Variants in DLG2 observed in about 807,000 individuals in gnomAD.
DLG2 encodes the protein disks large homolog 2.
In DLG2, 45 loss-of-function variants were observed where a neutral mutation model predicts 132.5. The observed-to-expected ratio is 0.34, with a 90% CI of 0.27 to 0.44. The LOEUF is 0.44. Ranked by LOEUF, DLG2 falls within the 20% of genes least tolerant of loss-of-function variation. DLG2 has a pLI of 1.00. For synonymous variants in DLG2, 424 were observed against 419.6 expected (o/e 1.01, Z -0.13); for missense variants, 1,045 against 1,196.9 (o/e 0.87, Z 1.87).
intron 3 of DLG2, among the ~76,000 whole-genome samples, chr11:85,399,310 G>A (rs1341590740): frequency 6.6e-6 from 1 of 152,172 alleles, no homozygotes; most frequent in Non-Finnish European, 1.5e-5. Flanking sequence ...AACATTCCAT[G>A]CTCATGGGTA....
chr11:83,538,574 C>T (rs2095961496), intron 20 of DLG2, among the ~76,000 whole-genome samples: 1 of 152,188 alleles, frequency 6.6e-6, no homozygotes, highest in Non-Finnish European at 1.5e-5. Context: ...GGTGTTTGGT[C>T]AGTGGCTGGC....
chr11:85,068,247 G>A (rs2065237882), intron 6 of DLG2, among the ~76,000 whole-genome samples: 2 of 152,030 alleles, frequency 1.3e-5, no homozygotes, highest in South Asian at 4.1e-4. Flanking sequence ...GCACAAGACA[G>A]GGATGCCCTC....
At chr11:83,790,951 G>A in intron 17 of DLG2, 1 of 958,604 alleles carries the variant, frequency 1.0e-6, no homozygotes, top group Non-Finnish European at 1.6e-6. Context: ...ATAACGACAG[G>A]CACATGTTCA....
chr11:85,458,758 C>G (rs78199824), intron 3 of DLG2, among the ~76,000 whole-genome samples: 4,784 of 152,264 alleles, frequency 0.031, 87 homozygotes, highest in Middle Eastern at 0.061. Context: ...CTGTAGGCAG[C>G]CACTTAATCA....
chr11:85,579,201 T>C (rs115262610), intron 3 of DLG2, among the ~76,000 whole-genome samples: 2,142 of 151,926 alleles, frequency 0.014, 47 homozygotes, highest in African/African-American at 0.048. Context: ...CATGGATACA[T>C]AGAGGGAATA....
intron 3 of DLG2, among the ~76,000 whole-genome samples, chr11:85,508,979 C>T (rs990027547): frequency 5.3e-5 from 8 of 152,016 alleles, no homozygotes; most frequent in Non-Finnish European, 1.0e-4. Flanking sequence ...TTATTTCAGT[C>T]TTTAATTTAT....
At chr11:83,742,523 C>T (rs1207212397) in intron 18 of DLG2, among the ~76,000 whole-genome samples, 3 of 152,062 alleles carry the variant, frequency 2.0e-5, no homozygotes, top group Non-Finnish European at 4.4e-5. Flanking sequence ...GACTTTGCAC[C>T]CACCTCTGCA....
intron 6 of DLG2, among the ~76,000 whole-genome samples, chr11:84,614,193 G>A (rs988235190): frequency 5.9e-5 from 9 of 152,198 alleles, no homozygotes; most frequent in Non-Finnish European, 1.3e-4. Context: ...AGTCCAGTAA[G>A]TAGAAGCAAA....
chr11:84,514,208 T>TTC (rs2099265549), intron 7 of DLG2, among the ~76,000 whole-genome samples: 1 of 152,038 alleles, frequency 6.6e-6, no homozygotes, highest in Non-Finnish European at 1.5e-5. Flanking sequence ...CTGGTGGGGA[T>TTC]GTGGAGAAAA....
At chr11:83,490,989 T>C (rs1484895866) in intron 21 of DLG2, among the ~76,000 whole-genome samples, 1 of 151,956 alleles carries the variant, frequency 6.6e-6, no homozygotes, top group African/African-American at 2.4e-5. Context: ...ATATTCATAA[T>C]TCTACTTTTT....
intron 18 of DLG2, among the ~76,000 whole-genome samples, chr11:83,786,034 A>G (rs769404732): frequency 1.3e-5 from 2 of 152,220 alleles, no homozygotes; most frequent in Non-Finnish European, 2.9e-5. Flanking sequence ...CAACCATACA[A>G]TAAGTAACAT....
chr11:84,924,895 C>T (rs564937860), intron 6 of DLG2, among the ~76,000 whole-genome samples: 2 of 152,288 alleles, frequency 1.3e-5, no homozygotes, highest in South Asian at 4.1e-4. Context: ...CATTCCACAA[C>T]TTTTTCTACG....
intron 7 of DLG2, among the ~76,000 whole-genome samples, chr11:84,287,854 T>C (rs1373235351): frequency 1.3e-5 from 2 of 151,866 alleles, no homozygotes; most frequent in Non-Finnish European, 2.9e-5. Flanking sequence ...CCAACATCTG[T>C]AATGAGACAA....
intron 6 of DLG2, among the ~76,000 whole-genome samples, chr11:84,924,807 T>C (rs2092916604): frequency 6.6e-6 from 1 of 152,062 alleles, no homozygotes; most frequent in Non-Finnish European, 1.5e-5. Context: ...CCTAGGTAAT[T>C]TACAAATTAT....
intron 3 of DLG2, among the ~76,000 whole-genome samples, chr11:85,487,557 TA>T (rs944953909): frequency 2.1e-4 from 32 of 150,376 alleles, no homozygotes; most frequent in Non-Finnish European, 2.7e-4. Context: ...GTTTTAAAAA[TA>T]GACTAGAGCA....
intron 7 of DLG2, among the ~76,000 whole-genome samples, chr11:84,530,423 T>C (rs1377013936): frequency 1.3e-5 from 2 of 151,960 alleles, no homozygotes; most frequent in African/African-American, 4.8e-5. Context: ...TCAGAATCCA[T>C]TAACAAGCCA....
At chr11:84,755,812 A>G (rs994261129) in intron 6 of DLG2, among the ~76,000 whole-genome samples, 1 of 152,234 alleles carries the variant, frequency 6.6e-6, no homozygotes, top group Non-Finnish European at 1.5e-5. Flanking sequence ...CCCAATTTTC[A>G]ATATATGCTA....
intron 10 of DLG2, among the ~76,000 whole-genome samples, chr11:84,080,403 C>G (rs1486439326): frequency 4.6e-5 from 7 of 152,092 alleles, no homozygotes; most frequent in African/African-American, 1.7e-4. Context: ...TTTTCTAAGT[C>G]AGGTTTGCAA....
At chr11:83,642,939 C>T (rs1043730804) in intron 18 of DLG2, among the ~76,000 whole-genome samples, 5 of 151,858 alleles carry the variant, frequency 3.3e-5, no homozygotes, top group Non-Finnish European at 7.4e-5. Context: ...TGGCATAGTC[C>T]ATTGTTAGGA....
Sources: gnomAD v4.1 joint callset for allele counts (sites outside exome capture counted in the v4.1 genomes callset) on GRCh38, gnomAD v4.1.1 for gene constraint, MANE v1.5 for transcripts, NCBI Gene and HGNC (gene_info 2026-07-23, HGNC 2026-07-21) for gene names.